PCDH15: variants seen among roughly 807,000 people sequenced by gnomAD.
PCDH15 encodes protocadherin related 15, also known as protocadherin-15.
Under a neutral mutation model 178.5 loss-of-function variants are expected in PCDH15, and 129 were observed. The observed-to-expected ratio is 0.72, with a 90% CI of 0.63 to 0.84. The LOEUF (loss-of-function observed/expected upper bound fraction) is 0.84. Ranked by LOEUF, PCDH15 falls within the 40% of genes least tolerant of loss-of-function variation. The probability of loss-of-function intolerance (pLI) is 0.00; values close to 1 mark genes in which losing one functional copy is unlikely to be tolerated. For synonymous variants in PCDH15, 800 were observed against 732.0 expected, an observed-to-expected ratio of 1.09 and a Z score of -1.50; for missense variants, 2,230 against 2,099.9, an observed-to-expected ratio of 1.06 and a Z score of -1.21.
At chr10:54,105,039 A>G (rs10825232) in intron 15 of PCDH15, among the ~76,000 whole-genome samples, 118,012 of 150,776 alleles carry the variant, frequency 0.78, 47,298 homozygotes, top group African/African-American at 0.93. Context: ...TGTCTAAATA[A>G]TTCAGAGCAA....
intron 1 of PCDH15, among the ~76,000 whole-genome samples, chr10:55,194,637 A>G (rs1475819401): frequency 1.3e-5 from 2 of 152,052 alleles, no homozygotes; most frequent in Non-Finnish European, 2.9e-5. Flanking sequence ...ATTGTAATGG[A>G]GGAATAAGAC....
chr10:55,601,930 G>A (rs142930122), intron 2 of PCDH15, among the ~76,000 whole-genome samples: 11 of 152,230 alleles, frequency 7.2e-5, no homozygotes, highest in African/African-American at 1.9e-4. Context: ...AGCTCCCAGC[G>A]TGAGCGACGC....
intron 2 of PCDH15, among the ~76,000 whole-genome samples, chr10:55,112,036 G>T (rs1247649082): frequency 2.0e-5 from 3 of 151,918 alleles, no homozygotes; most frequent in Non-Finnish European, 4.4e-5. Context: ...AACTTTTTAG[G>T]AACTTTTTTA....
chr10:54,378,656 T>C, intron 4 of PCDH15, 126 bp downstream of exon 4: 1 of 1,056,130 alleles, frequency 9.5e-7, no homozygotes, highest in South Asian at 1.4e-5. Flanking sequence ...TTAAAGAAAC[T>C]GTTGTTGCTA....
intron 1 of PCDH15, among the ~76,000 whole-genome samples, chr10:54,734,776 TG>T: frequency 6.6e-6 from 1 of 152,086 alleles, no homozygotes; most frequent in South Asian, 2.1e-4. Flanking sequence ...GAGTATCAAA[TG>T]GATATCCTAA....
chr10:55,415,611 C>T (rs1838461099), intron 2 of PCDH15, among the ~76,000 whole-genome samples: 1 of 151,664 alleles, frequency 6.6e-6, no homozygotes, highest in African/African-American at 2.4e-5. Context: ...CACTAATTTT[C>T]AAGTTAGATC....
intron 18 of PCDH15, among the ~76,000 whole-genome samples, chr10:54,054,624 C>T (rs1009123629): frequency 6.6e-6 from 1 of 151,976 alleles, no homozygotes; most frequent in Non-Finnish European, 1.5e-5. Context: ...CTAAACATTG[C>T]TAAAGGGGTA....
At chr10:54,233,042 C>T (rs1232953214) in intron 9 of PCDH15, among the ~76,000 whole-genome samples, 3 of 151,592 alleles carry the variant, frequency 2.0e-5, no homozygotes, top group Non-Finnish European at 2.9e-5. Context: ...TTCCCAGACC[C>T]AGGTGATTCT....
intron 3 of PCDH15, among the ~76,000 whole-genome samples, chr10:54,856,470 T>C (rs2131774960): frequency 6.6e-6 from 1 of 152,286 alleles, no homozygotes; most frequent in South Asian, 2.1e-4. Flanking sequence ...ATCCCAGAGA[T>C]TGAAACCAAA....
intron 2 of PCDH15, among the ~76,000 whole-genome samples, chr10:54,644,953 A>G (rs1314389446): frequency 1.3e-5 from 2 of 152,164 alleles, no homozygotes; most frequent in African/African-American, 4.8e-5. Flanking sequence ...TTTGAAACAG[A>G]GGCCAGGTCC....
chr10:54,904,061 A>G (rs1993312), intron 2 of PCDH15, among the ~76,000 whole-genome samples: 147,726 of 152,084 alleles, frequency 0.97, 71,884 homozygotes, highest in East Asian at 1. Context: ...CTTTTAACAT[A>G]ATACTGATGC....
In PCDH15 at chr10:53,959,795, G is replaced by C; in HGVS notation, c.3059C>G (p.Ala1020Gly). 3 of 1,614,024 alleles carry C rather than the reference G, an allele frequency of 1.9e-6. No individual in the cohort carries two copies. Among genetic ancestry groups the C allele is most frequent in the Non-Finnish European group, 2.5e-6 (3 of 1,179,974 alleles). ...DDGEPVMSSS[A>G]TVKILVLHPG... is the part of the protein sequence containing the mutation. The stretch of plus-strand genomic sequence containing the variant: ...ATGTAAGACAAGAATCTTCACTGTG[G>C]CACTGCTGGACATCACAGGCTCCCC... The change falls in exon 23 of 38, where the codon GCC becomes GGC. Residue 1020 changes from alanine to glycine, a missense_variant. Physicochemically the swap from Ala to Gly is moderately conservative, Grantham distance 60. Transcript: ENST00000644397.
intron 2 of PCDH15, among the ~76,000 whole-genome samples, chr10:54,528,211 G>C (rs950998694): frequency 4.0e-5 from 6 of 151,788 alleles, no homozygotes; most frequent in African/African-American, 1.5e-4. Context: ...TGATTAACAA[G>C]GATAAATTGT....
intron 13 of PCDH15, among the ~76,000 whole-genome samples, chr10:54,176,055 T>C (rs564525614): frequency 2.0e-4 from 31 of 152,264 alleles, no homozygotes; most frequent in African/African-American, 7.2e-4. Flanking sequence ...GAAAGGACTA[T>C]GTGAGGTGAT....
At chr10:54,911,760 T>C (rs1954822578) in intron 2 of PCDH15, among the ~76,000 whole-genome samples, 1 of 152,180 alleles carries the variant, frequency 6.6e-6, no homozygotes, top group Non-Finnish European at 1.5e-5. Flanking sequence ...GGTTGATAAG[T>C]GTCTGGCAGT....
intron 1 of PCDH15, among the ~76,000 whole-genome samples, chr10:55,220,537 A>C (rs1246939711): frequency 6.6e-6 from 1 of 152,080 alleles, no homozygotes; most frequent in Non-Finnish European, 1.5e-5. Flanking sequence ...GGTATAGCCT[A>C]CTATATACTT....
chr10:54,832,498 G>T (rs557110857), intron 3 of PCDH15, among the ~76,000 whole-genome samples: 5 of 152,230 alleles, frequency 3.3e-5, no homozygotes, highest in African/African-American at 9.6e-5. Context: ...AAAGGTTAAG[G>T]TTACTTTTCT....
intron 2 of PCDH15, among the ~76,000 whole-genome samples, chr10:55,392,612 T>C (rs1404090313): frequency 6.6e-6 from 1 of 152,094 alleles, no homozygotes; most frequent in Non-Finnish European, 1.5e-5. Context: ...ATCAAAGAAA[T>C]ATTGCTATTT....
intron 13 of PCDH15, among the ~76,000 whole-genome samples, chr10:54,171,170 CT>C: frequency 6.6e-6 from 1 of 151,996 alleles, no homozygotes; most frequent in East Asian, 1.9e-4. Flanking sequence ...ACGGACGAGC[CT>C]TTATTAGTCA....
Sources: gnomAD v4.1 joint callset for allele counts (sites outside exome capture counted in the v4.1 genomes callset) on GRCh38, gnomAD v4.1.1 for gene constraint, MANE v1.5 for transcripts, NCBI Gene and HGNC (gene_info 2026-07-23, HGNC 2026-07-21) for gene names.